The following HIVEP2 variants were observed in gnomAD, a reference collection of about 807,000 sequenced individuals.
The protein encoded by HIVEP2 is transcription factor HIVEP2.
Under a neutral mutation model 180.7 loss-of-function variants are expected in HIVEP2, and 14 were observed. That is an observed-to-expected ratio of 0.08 (90% CI 0.05 to 0.12). The LOEUF (loss-of-function observed/expected upper bound fraction) is 0.12. HIVEP2 is among the 10% of genes least tolerant of loss of function. The pLI is 1.00. For missense variants in HIVEP2, 2,579 were observed against 3,008.5 expected (o/e 0.86, Z 3.34); for synonymous variants, 1,184 against 1,136.4 (o/e 1.04, Z -0.84).
chr6:142,882,725 A>G lies in HIVEP2; in HGVS notation c.-640-45678T>C, dbSNP rs79703951. Among the ~76,000 whole-genome samples the G allele has an allele frequency of 1.6e-3, 245 of 152,206 alleles. 1 individual carries two copies. The highest frequency in any genetic ancestry group is 3.1e-3 in the Non-Finnish European group (211 of 68,008). Reference sequence around the variant, plus strand: ...TCATTCCATTGTTCTGACAGTGTCAATTAGGAATCTTCCTAATTTTGAGGG... The same window carrying G: ...TCATTCCATTGTTCTGACAGTGTCAGTTAGGAATCTTCCTAATTTTGAGGG... On this transcript the variant is annotated intron_variant, in intron 1 of 9. Coordinates refer to ENST00000367603, the MANE Select transcript of HIVEP2 (RefSeq NM_006734.4).
intron 1 of HIVEP2, among the ~76,000 whole-genome samples, chr6:142,936,459 G>C (rs1778058415): frequency 6.6e-6 from 1 of 151,616 alleles, no homozygotes; most frequent in Non-Finnish European, 1.5e-5. Context: ...CAAAATGCTG[G>C]GATTACAGCC....
rs751235448 is a variant in HIVEP2 at position 142,770,543 on chromosome 6, G to A, written c.4196C>T (p.Ala1399Val). The change falls in exon 5 of 10, where the codon GCG (alanine) becomes GTG (valine). Residue 1399 changes from alanine to valine, a missense_variant. Transcript: ENST00000367603. The surrounding 1 kb of genome is among the most constrained non-coding windows in gnomAD (Gnocchi z 4.7). ...FNIAQVLGQHAGLEKYPIWKA... is the reference protein window; with the variant it reads ...FNIAQVLGQHVGLEKYPIWKA... ...CCAAATGGGGTACTTCTCCAAGCCC[G>A]CATGCTGCCCCAGCACCTGGGCAAT... is the stretch of plus-strand genomic sequence containing the variant. 26 of 1,614,044 alleles carry A rather than the reference G, an allele frequency of 1.6e-5. No homozygotes were observed. The highest frequency in any genetic ancestry group is 6.7e-5 in the East Asian group (3 of 44,884).
intron 1 of HIVEP2, among the ~76,000 whole-genome samples, chr6:142,905,283 T>C (rs1314935640): frequency 1.3e-5 from 2 of 152,014 alleles, no homozygotes; most frequent in Admixed American, 6.6e-5. Context: ...ATAAAGAAAA[T>C]CTTGAAATGC....
At chr6:142,844,043 A>G (rs1229784649) in intron 1 of HIVEP2, among the ~76,000 whole-genome samples, 1 of 152,168 alleles carries the variant, frequency 6.6e-6, no homozygotes, top group Non-Finnish European at 1.5e-5. Context: ...GCACATACCC[A>G]CACAACACCC....
At chr6:142,898,299 C>G (rs1777049901) in intron 1 of HIVEP2, among the ~76,000 whole-genome samples, 1 of 152,120 alleles carries the variant, frequency 6.6e-6, no homozygotes, top group Non-Finnish European at 1.5e-5. Flanking sequence ...AAACTCAGGT[C>G]TTTCTTATCC....
chr6:142,770,528 T>C lies in HIVEP2; in HGVS notation c.4211A>G (p.Tyr1404Cys). 1 of 1,614,100 alleles carries C rather than the reference T, an allele frequency of 6.2e-7. No individual in the cohort carries two copies. Among genetic ancestry groups the C allele is most frequent in the Non-Finnish European group, 8.5e-7 (1 of 1,180,022 alleles). Residue 1404 changes from tyrosine to cysteine, a missense_variant, in exon 5 of 10, where the codon TAC becomes TGC. Transcript: ENST00000367603. The surrounding 1 kb of genome is among the most constrained non-coding windows in gnomAD (Gnocchi z 4.7). ...VLGQHAGLEK[Y>C]PIWKAPQTLP... Reference sequence around the variant, plus strand: ...AGTCTGAGGTGCTTTCCAAATGGGGTACTTCTCCAAGCCCGCATGCTGCCC... The same window carrying C: ...AGTCTGAGGTGCTTTCCAAATGGGGCACTTCTCCAAGCCCGCATGCTGCCC...
intron 2 of HIVEP2, among the ~76,000 whole-genome samples, chr6:142,807,108 G>A (rs1378367069): frequency 1.3e-5 from 2 of 152,266 alleles, no homozygotes; most frequent in South Asian, 2.1e-4. Flanking sequence ...GAGTAGAGGG[G>A]ATGGCAACCC....
chr6:142,901,980 A>G (rs891220995), intron 1 of HIVEP2, among the ~76,000 whole-genome samples: 1 of 152,196 alleles, frequency 6.6e-6, no homozygotes, highest in Admixed American at 6.5e-5. Flanking sequence ...ATTAGAAAAT[A>G]GTTTATGAGG....
chr6:142,782,487 G>C (rs900522451), intron 3 of HIVEP2, among the ~76,000 whole-genome samples: 23 of 152,112 alleles, frequency 1.5e-4, no homozygotes, highest in Non-Finnish European at 1.3e-4. Flanking sequence ...GCTGAATAAA[G>C]ACTTATTTCC....
chr6:142,768,638 G>A (rs1270090311), intron 5 of HIVEP2, 102 bp from the exon 6 acceptor site: 3 of 1,143,580 alleles, frequency 2.6e-6, no homozygotes, highest in Non-Finnish European at 2.5e-6. Flanking sequence ...CCTAAATTCT[G>A]TACTAAAAGG....
intron 1 of HIVEP2, among the ~76,000 whole-genome samples, chr6:142,941,238 C>A (rs1337957459): frequency 7.2e-5 from 11 of 152,172 alleles, no homozygotes; most frequent in African/African-American, 2.4e-4. Context: ...AAAGATTGCA[C>A]AGACTAAGAA....
chr6:142,921,439 G>A (rs1259001458), intron 1 of HIVEP2, among the ~76,000 whole-genome samples: 6 of 152,210 alleles, frequency 3.9e-5, no homozygotes, highest in Non-Finnish European at 5.9e-5. Context: ...GGAGGCTGAG[G>A]CACGAGAATC....
At chr6:142,895,916 T>A (rs1390049201) in intron 1 of HIVEP2, among the ~76,000 whole-genome samples, 1 of 152,164 alleles carries the variant, frequency 6.6e-6, no homozygotes, top group African/African-American at 2.4e-5. Context: ...ACCATTTGCA[T>A]CCCTCAATTA....
At chr6:142,905,194 C>A (rs1003992060) in intron 1 of HIVEP2, among the ~76,000 whole-genome samples, 2 of 152,178 alleles carry the variant, frequency 1.3e-5, no homozygotes, top group Non-Finnish European at 2.9e-5. Context: ...AAGAAAGATA[C>A]TGCTCAACCA....
Position 142,760,562 on chromosome 6 carries a change from T to A in HIVEP2, c.5726A>T (p.Asp1909Val). 6.2e-7 allele frequency: 1 copy of A among 1,613,550 alleles called. No homozygotes were observed. Among genetic ancestry groups the A allele is most frequent in the East Asian group, 2.2e-5 (1 of 44,872 alleles). ...DAEESDGEDG[D>V]DNDDDDEDED... is the part of the protein sequence containing the mutation. ...ATCTTCATCATCATCATCATTATCA[T>A]CTCCATCCTCACCATCTGATTCCTC... is the stretch of plus-strand genomic sequence containing the variant. Residue 1909 changes from aspartate to valine, a missense_variant, in exon 9 of 10, where the codon GAT (aspartate) becomes GTT (valine). Physicochemically the swap from Asp to Val is radical, Grantham distance 152. Coordinates refer to ENST00000367603, the MANE Select transcript of HIVEP2 (RefSeq NM_006734.4).
At chr6:142,857,179 C>T (rs1038009732) in intron 1 of HIVEP2, among the ~76,000 whole-genome samples, 5 of 150,360 alleles carry the variant, frequency 3.3e-5, no homozygotes, top group East Asian at 3.9e-4. Flanking sequence ...ACATCTAAAA[C>T]GCTGTTAGAA....
chr6:142,821,176 A>C (rs9791312), intron 2 of HIVEP2, among the ~76,000 whole-genome samples: 38,876 of 151,936 alleles, frequency 0.26, 5,828 homozygotes, highest in South Asian at 0.35. Flanking sequence ...TATACAAGCA[A>C]GGGATTAAAG....
chr6:142,886,195 T>A (rs2128418960), intron 1 of HIVEP2, among the ~76,000 whole-genome samples: 1 of 152,350 alleles, frequency 6.6e-6, no homozygotes, highest in South Asian at 2.1e-4. Context: ...GTAGGCATTA[T>A]TATTGTTTGA....
At position 142,774,718 on chromosome 6, in the gene HIVEP2, A is replaced by G; in HGVS notation, c.21T>C (p.Ala7=). 1 of 1,614,034 alleles carries G rather than the reference A, an allele frequency of 6.2e-7. No individual in the cohort carries two copies. Among genetic ancestry groups the G allele is most frequent in the Non-Finnish European group, 8.5e-7 (1 of 1,179,960 alleles). MDTGDT[A]LGQKATSRSG... ...ACCTTGAGGTAGCTTTTTGTCCTAG[A>G]GCTGTGTCCCCAGTGTCCATTTTGT... Residue 7 remains alanine (A), a synonymous_variant, in exon 5 of 10, where the codon GCT becomes GCC. Transcript: ENST00000367603. This position sits in a 1 kb window ranked among gnomAD's most constrained non-coding sequence, Gnocchi z 5.1.
Sources: gnomAD v4.1 joint callset for allele counts (sites outside exome capture counted in the v4.1 genomes callset) on GRCh38, gnomAD v4.1.1 for gene constraint, Gnocchi (gnomAD v3.1) non-coding constraint, MANE v1.5 for transcripts, NCBI Gene and HGNC (gene_info 2026-07-23, HGNC 2026-07-21) for gene names.